SLC22A23: variants seen among roughly 807,000 people sequenced by gnomAD.
SLC22A23 encodes the protein solute carrier family 22 member 23.
Under a neutral mutation model 61.0 loss-of-function variants are expected in SLC22A23, and 26 were observed. That is an observed-to-expected ratio of 0.43 (90% CI 0.31 to 0.59). The LOEUF (loss-of-function observed/expected upper bound fraction) is 0.59, where lower values mean the gene tolerates loss of function less well. Ranked by LOEUF, SLC22A23 falls within the 20% of genes least tolerant of loss-of-function variation. The pLI is 0.11. For synonymous variants in SLC22A23, 430 were observed against 413.9 expected (o/e 1.04, Z -0.47); for missense variants, 796 against 934.7 (o/e 0.85, Z 1.94).
chr6:3,379,112 G>A (rs1766790907), intron 3 of SLC22A23, among the ~76,000 whole-genome samples: 1 of 152,140 alleles, frequency 6.6e-6, no homozygotes, highest in Non-Finnish European at 1.5e-5. Context: ...TAATTCTGGT[G>A]CCCTTAATGA....
intron 3 of SLC22A23, among the ~76,000 whole-genome samples, chr6:3,373,664 G>A (rs1365138414): frequency 2.6e-5 from 4 of 152,130 alleles, no homozygotes; most frequent in Admixed American, 2.6e-4. Flanking sequence ...AAGAAAGGAA[G>A]AAGAAAAGGA....
At chr6:3,334,689 G>A (rs1447978379) in intron 3 of SLC22A23, among the ~76,000 whole-genome samples, 2 of 152,238 alleles carry the variant, frequency 1.3e-5, no homozygotes, top group Non-Finnish European at 1.5e-5. Flanking sequence ...TGTGAAGCCC[G>A]CCGGGTGCTA....
rs1203266622 is a variant in SLC22A23, at chr6:3,297,820, T to C, written c.1210+271A>G. ...TGGGCCAGACAGCCAGATATTCCCT[T>C]GAGCAGTGTATATTGGGCTCATGGC... On this transcript the variant is annotated intron_variant, in intron 5 of 9. Coordinates refer to ENST00000406686, the MANE Select transcript of SLC22A23 (RefSeq NM_015482.2). The surrounding 1 kb of genome is among the most constrained non-coding windows in gnomAD (Gnocchi z 4.3). Among the ~76,000 whole-genome samples, 1 of 152,154 alleles carries C rather than the reference T, an allele frequency of 6.6e-6. No individual in the cohort carries two copies. Among genetic ancestry groups the C allele is most frequent in the Non-Finnish European group, 1.5e-5 (1 of 68,020 alleles).
chr6:3,379,466 G>A (rs1421051613), intron 3 of SLC22A23, among the ~76,000 whole-genome samples: 1 of 152,152 alleles, frequency 6.6e-6, no homozygotes, highest in Non-Finnish European at 1.5e-5. Flanking sequence ...CGAACACCAT[G>A]CAGCAAATTC....
At chr6:3,420,937 C>T (rs373712356) in intron 1 of SLC22A23, among the ~76,000 whole-genome samples, 2 of 151,898 alleles carry the variant, frequency 1.3e-5, no homozygotes, top group Non-Finnish European at 1.5e-5. Context: ...AAATCCTGTA[C>T]TAAAAATACA....
At chr6:3,289,981 CT>C (rs35568219) in intron 5 of SLC22A23, 115 bp from the exon 6 acceptor site, 79,422 of 443,312 alleles carry the variant, frequency 0.18, 307 homozygotes, top group East Asian at 0.27. Flanking sequence ...GAGAGAGAAG[CT>C]TTTTTTTTTT....
At chr6:3,287,298 A>T (rs1561868070) in intron 6 of SLC22A23, among the ~76,000 whole-genome samples, 1 of 152,258 alleles carries the variant, frequency 6.6e-6, no homozygotes, top group Non-Finnish European at 1.5e-5. Flanking sequence ...GCTTCTCCTG[A>T]TGGAGGTCCA....
At chr6:3,449,401 G>A (rs1772064114) in intron 1 of SLC22A23, among the ~76,000 whole-genome samples, 1 of 152,038 alleles carries the variant, frequency 6.6e-6, no homozygotes, top group African/African-American at 2.4e-5. Context: ...CGAGGAAAAT[G>A]GTTACAAGTC....
intron 3 of SLC22A23, among the ~76,000 whole-genome samples, chr6:3,381,972 A>C (rs964729909): frequency 3.9e-5 from 6 of 152,168 alleles, no homozygotes; most frequent in African/African-American, 1.4e-4. Context: ...CTTTCCCTGC[A>C]ATGTTCCGCC....
At chr6:3,415,497 T>C (rs1337287764) in intron 2 of SLC22A23, among the ~76,000 whole-genome samples, 1 of 152,184 alleles carries the variant, frequency 6.6e-6, no homozygotes, top group Non-Finnish European at 1.5e-5. Flanking sequence ...TAGAAGTAGA[T>C]GGGGCTGCAG....
intron 1 of SLC22A23, 145 bp downstream of exon 1, chr6:3,455,761 G>T: frequency 1.0e-6 from 1 of 995,924 alleles, no homozygotes; most frequent in Non-Finnish European, 1.4e-6. Flanking sequence ...TGGTTTGGGG[G>T]ACGGAAGGAG....
chr6:3,283,083 C>T (rs1759624737), intron 9 of SLC22A23, among the ~76,000 whole-genome samples: 1 of 152,184 alleles, frequency 6.6e-6, no homozygotes, highest in Non-Finnish European at 1.5e-5. Flanking sequence ...TCAGTAATCT[C>T]ACTCGCTGTG....
chr6:3,278,993 C>T (rs1401853377), intron 9 of SLC22A23, among the ~76,000 whole-genome samples: 1 of 152,118 alleles, frequency 6.6e-6, no homozygotes. Context: ...GGGCAAACTG[C>T]ATGGAACAAA....
At chr6:3,445,264 T>A (rs903401191) in intron 1 of SLC22A23, among the ~76,000 whole-genome samples, 2 of 151,986 alleles carry the variant, frequency 1.3e-5, no homozygotes, top group Non-Finnish European at 2.9e-5. Context: ...AATGGCGCCA[T>A]CTTGGCTCAC....
rs1419794524 is a variant in SLC22A23 at position 3,418,825 on chromosome 6, C to T, written c.655-2970G>A. Among the ~76,000 whole-genome samples, 3 of 152,252 alleles carry T rather than the reference C, an allele frequency of 2.0e-5. No individual in the cohort carries two copies. The East Asian group carries it at 5.8e-4, about 29-fold the overall frequency. ...GGATCCGCCTGCAACACCGCCCTTG[C>T]CATCCTGGAGGCACCGCCGTTTAGC... On this transcript the variant is annotated intron_variant, in intron 1 of 9. Coordinates refer to ENST00000406686, the MANE Select transcript of SLC22A23 (RefSeq NM_015482.2).
intron 1 of SLC22A23, among the ~76,000 whole-genome samples, chr6:3,448,451 C>G (rs1196003616): frequency 6.6e-6 from 1 of 152,102 alleles, no homozygotes; most frequent in African/African-American, 2.4e-5. Context: ...TTTGTGGCAA[C>G]CTCAGGACAA....
chr6:3,434,008 G>A (rs4959830), intron 1 of SLC22A23, among the ~76,000 whole-genome samples: 46,181 of 152,034 alleles, frequency 0.3, 8,162 homozygotes, highest in East Asian at 0.48. Context: ...TGGTCATTAT[G>A]CCTCCACTTT....
At chr6:3,344,093 A>G (rs1355612416) in intron 3 of SLC22A23, among the ~76,000 whole-genome samples, 3 of 152,198 alleles carry the variant, frequency 2.0e-5, no homozygotes, top group Non-Finnish European at 4.4e-5. Context: ...TGTCCAATAC[A>G]GTGGTCACAT....
chr6:3,436,378 C>T (rs986863123), intron 1 of SLC22A23, among the ~76,000 whole-genome samples: 3 of 152,136 alleles, frequency 2.0e-5, no homozygotes, highest in Admixed American at 6.6e-5. Flanking sequence ...TCAGGTGACC[C>T]GCCCACCTTG....
Sources: gnomAD v4.1 joint callset for allele counts (sites outside exome capture counted in the v4.1 genomes callset) on GRCh38, gnomAD v4.1.1 for gene constraint, Gnocchi (gnomAD v3.1) non-coding constraint, MANE v1.5 for transcripts, NCBI Gene and HGNC (gene_info 2026-07-23, HGNC 2026-07-21) for gene names.